The following EHBP1 variants were observed in gnomAD, a reference collection of about 807,000 sequenced individuals.
EHBP1 encodes EH domain-binding protein 1.
EHBP1 carries 55 observed loss-of-function variants against 144.0 expected under a neutral mutation model. The ratio of observed to expected loss-of-function variants is 0.38; its 90% CI spans 0.31 to 0.48. The LOEUF is 0.48. Among genes scored for constraint, EHBP1 ranks in the 20% least tolerant of loss-of-function variants. The pLI is 0.98. For synonymous variants in EHBP1, 469 were observed against 472.7 expected (o/e 0.99, Z 0.10); for missense variants, 1,200 against 1,364.2 (o/e 0.88, Z 1.90).
chr2:62,959,289 A>C (rs553457543), intron 14 of EHBP1, among the ~76,000 whole-genome samples: 1 of 152,130 alleles, frequency 6.6e-6, no homozygotes, highest in Non-Finnish European at 1.5e-5. Flanking sequence ...ATAGACATTT[A>C]GGTGGTTTTC....
At chr2:62,721,880 A>G (rs1352558618) in intron 2 of EHBP1, among the ~76,000 whole-genome samples, 1 of 152,174 alleles carries the variant, frequency 6.6e-6, no homozygotes, top group Non-Finnish European at 1.5e-5. Context: ...TTTTAAAAAT[A>G]ACCCTATTTT....
At chr2:62,746,018 C>T (rs1330508619) in intron 2 of EHBP1, among the ~76,000 whole-genome samples, 1 of 151,990 alleles carries the variant, frequency 6.6e-6, no homozygotes, top group South Asian at 2.1e-4. Context: ...TGAAATTGTG[C>T]TGGAGCTGTG....
chr2:62,709,783 T>C (rs1161870143), intron 2 of EHBP1, among the ~76,000 whole-genome samples: 3 of 152,138 alleles, frequency 2.0e-5, no homozygotes, highest in Non-Finnish European at 2.9e-5. Context: ...TCTTGTATTG[T>C]CTAGTGGTTC....
At chr2:62,859,408 T>C in intron 8 of EHBP1, 117 bp downstream of exon 8, 1 of 1,014,974 alleles carries the variant, frequency 9.9e-7, no homozygotes. Context: ...TTTATAATGA[T>C]ATTATTATTG....
intron 10 of EHBP1, among the ~76,000 whole-genome samples, chr2:62,903,716 T>C (rs1204813815): frequency 2.6e-5 from 4 of 152,170 alleles, no homozygotes; most frequent in Non-Finnish European, 4.4e-5. Flanking sequence ...CAGTGAACCA[T>C]GTTTGCACCA....
intron 6 of EHBP1, among the ~76,000 whole-genome samples, chr2:62,830,195 C>CACACACATAT (rs1400040654): frequency 8.6e-6 from 1 of 116,260 alleles, no homozygotes; most frequent in Non-Finnish European, 1.8e-5. Flanking sequence ...CACACACACA[C>CACACACATAT]ATATATATAC....
intron 10 of EHBP1, among the ~76,000 whole-genome samples, chr2:62,888,940 T>G (rs1382294624): frequency 6.6e-6 from 1 of 151,320 alleles, no homozygotes; most frequent in Non-Finnish European, 1.5e-5. Context: ...GAGAGACAAT[T>G]ATGGTGCAAA....
intron 10 of EHBP1, among the ~76,000 whole-genome samples, chr2:62,886,435 T>G (rs151316707): frequency 8.5e-5 from 13 of 152,216 alleles, no homozygotes; most frequent in Non-Finnish European, 1.8e-4. Context: ...AATTTTTTAC[T>G]TACTGTCATA....
chr2:62,965,484 T>C (rs2058206251), intron 14 of EHBP1, among the ~76,000 whole-genome samples: 1 of 152,212 alleles, frequency 6.6e-6, no homozygotes, highest in Non-Finnish European at 1.5e-5. Context: ...ACAAAGTAGA[T>C]ATTCCCATAC....
At chr2:62,797,838 G>C (rs958196546) in intron 5 of EHBP1, among the ~76,000 whole-genome samples, 1 of 152,298 alleles carries the variant, frequency 6.6e-6, no homozygotes, top group Admixed American at 6.5e-5. Context: ...TTCTTCATCT[G>C]TAAACAGGGG....
intron 5 of EHBP1, among the ~76,000 whole-genome samples, chr2:62,817,624 C>G (rs905357235): frequency 6.6e-6 from 1 of 152,122 alleles, no homozygotes; most frequent in Non-Finnish European, 1.5e-5. Flanking sequence ...CCAGGATCAT[C>G]ATAGTTTCTG....
intron 10 of EHBP1, among the ~76,000 whole-genome samples, chr2:62,886,377 G>A (rs1235885579): frequency 6.6e-6 from 1 of 152,060 alleles, no homozygotes; most frequent in Non-Finnish European, 1.5e-5. Context: ...AAATGCCAAG[G>A]TTCAATGACA....
At chr2:62,938,360 GTGGC>G (rs1232515891) in intron 10 of EHBP1, among the ~76,000 whole-genome samples, 4 of 152,208 alleles carry the variant, frequency 2.6e-5, no homozygotes, top group Admixed American at 1.3e-4. Flanking sequence ...AGAGGAATAT[GTGGC>G]TGTATCCGTG....
intron 13 of EHBP1, among the ~76,000 whole-genome samples, chr2:62,949,441 A>G (rs1179625385): frequency 6.6e-6 from 1 of 152,172 alleles, no homozygotes; most frequent in Non-Finnish European, 1.5e-5. Flanking sequence ...CTGTATATTT[A>G]AGGTTTATGA....
At chr2:63,002,894 A>G (rs537062647) in intron 19 of EHBP1, among the ~76,000 whole-genome samples, 2 of 152,220 alleles carry the variant, frequency 1.3e-5, no homozygotes, top group Non-Finnish European at 2.9e-5. Context: ...TTAGTACAAA[A>G]TTCAAAATGA....
Position 63,045,266 on chromosome 2 carries a change from G to A in EHBP1, c.3392+86G>A. On this transcript the variant is annotated intron_variant, in intron 22 of 22. Transcript: ENST00000431489. The surrounding 1 kb of genome is among the most constrained non-coding windows in gnomAD (Gnocchi z 5.7). ...CGGAAAGTTCAATCCAGAGGTCGCG[G>A]GAGGGCCGGGGCAGCCTCCCACTGG... The A allele has an allele frequency of 7.0e-7, 1 of 1,421,598 alleles. No individual in the cohort carries two copies. Among genetic ancestry groups the A allele is most frequent in the Non-Finnish European group, 9.7e-7 (1 of 1,031,148 alleles). The allele number at this position is 1,421,598 out of a possible 1,614,324, so 88.1% of individuals were successfully genotyped here.
chr2:62,939,462 G>A (rs1242532669), intron 10 of EHBP1, among the ~76,000 whole-genome samples: 3 of 151,976 alleles, frequency 2.0e-5, no homozygotes, highest in Non-Finnish European at 4.4e-5. Context: ...TTTAGTACAG[G>A]TGGGGTTTCA....
intron 5 of EHBP1, among the ~76,000 whole-genome samples, chr2:62,789,277 A>G (rs1339492885): frequency 6.6e-6 from 1 of 152,350 alleles, no homozygotes; most frequent in Non-Finnish European, 1.5e-5. Context: ...TATGTAGTAG[A>G]AAAAGACCTT....
chr2:63,000,099 G>A (rs954851527), intron 19 of EHBP1, among the ~76,000 whole-genome samples: 1 of 152,200 alleles, frequency 6.6e-6, no homozygotes, highest in Admixed American at 6.5e-5. Flanking sequence ...CCTGGGGGGA[G>A]GCAGGATGGG....
Sources: gnomAD v4.1 joint callset for allele counts (sites outside exome capture counted in the v4.1 genomes callset) on GRCh38, gnomAD v4.1.1 for gene constraint, Gnocchi (gnomAD v3.1) non-coding constraint, MANE v1.5 for transcripts, NCBI Gene and HGNC (gene_info 2026-07-23, HGNC 2026-07-21) for gene names.